Variants in GOPC observed in about 807,000 individuals in gnomAD.
GOPC encodes the protein golgi associated PDZ and coiled-coil motif containing, also known as Golgi-associated PDZ and coiled-coil motif-containing protein.
In GOPC, 32 loss-of-function variants were observed where a neutral mutation model predicts 51.2. That is an observed-to-expected ratio of 0.63 (90% confidence interval 0.47 to 0.84). The LOEUF (loss-of-function observed/expected upper bound fraction) is 0.84. Among genes scored for constraint, GOPC ranks in the 40% least tolerant of loss-of-function variants. GOPC has a pLI of 0.00. For synonymous variants in GOPC, 190 were observed against 205.1 expected (o/e 0.93, Z 0.63); for missense variants, 441 against 555.5 (o/e 0.79, Z 2.07).
intron 1 of GOPC, among the ~76,000 whole-genome samples, chr6:117,580,513 T>A (rs1779942223): frequency 6.6e-6 from 1 of 152,092 alleles, no homozygotes; most frequent in Non-Finnish European, 1.5e-5. Context: ...TGAAGCTGAA[T>A]ACAATGAATG....
chr6:117,591,107 C>A (rs907028520), intron 1 of GOPC, among the ~76,000 whole-genome samples: 2 of 152,194 alleles, frequency 1.3e-5, no homozygotes, highest in African/African-American at 4.8e-5. Context: ...CCACCTCAGT[C>A]TCCCAAAGTG....
At chr6:117,589,223 A>C (rs1448662825) in intron 1 of GOPC, among the ~76,000 whole-genome samples, 1 of 152,238 alleles carries the variant, frequency 6.6e-6, no homozygotes, top group African/African-American at 2.4e-5. Flanking sequence ...CATAGGAGGG[A>C]TACCCAAATG....
chr6:117,563,408 GCAGACA>G (rs766401472), intron 8 of GOPC, 24 bp from the exon 9 acceptor site: 35 of 1,609,620 alleles, frequency 2.2e-5, no homozygotes, highest in Non-Finnish European at 3.0e-5. Context: ...GAAAAAAAAA[GCAGACA>G]CTTTCTGGTT....
chr6:117,577,633 A>G (rs1030769466), intron 2 of GOPC, among the ~76,000 whole-genome samples, 162 bp from the exon 3 acceptor site: 1 of 152,084 alleles, frequency 6.6e-6, no homozygotes, highest in Non-Finnish European at 1.5e-5. Context: ...TAGTAACTGT[A>G]ATAGCATTAG....
Position 117,569,473 on chromosome 6 carries a change from C to T in GOPC, c.1077+99G>A, listed in dbSNP as rs533796484. 2.5e-4 allele frequency: 366 copies of T among 1,464,590 alleles called. 1 individual carries two copies. In the South Asian group the frequency reaches 4.6e-3, roughly 18 times the overall value. 90.7% of individuals were successfully genotyped at this position (1,464,590 alleles called of 1,614,324 possible). ...AAAGGAAACAAGAACTATGTGTAAA[C>T]ACTTTACTACTTTAGAAACTTCGTA... On this transcript the variant is annotated intron_variant, in intron 7 of 8. Coordinates refer to ENST00000368498, the MANE Select transcript of GOPC (RefSeq NM_020399.4).
At chr6:117,595,518 AATGTGT>A (rs1416496346) in intron 1 of GOPC, among the ~76,000 whole-genome samples, 3 of 152,162 alleles carry the variant, frequency 2.0e-5, no homozygotes, top group African/African-American at 7.2e-5. Flanking sequence ...CACTGTATCC[AATGTGT>A]CATCTTTTAT....
intron 7 of GOPC, among the ~76,000 whole-genome samples, chr6:117,568,886 T>C (rs1219346230): frequency 6.6e-6 from 1 of 152,218 alleles, no homozygotes; most frequent in African/African-American, 2.4e-5. Context: ...TGAGATGCAA[T>C]TCTACAGAGG....
rs941312327 is a variant in GOPC at position 117,562,338 on chromosome 6, A to G, written c.*916T>C. 4.5e-5 allele frequency: 9 copies of G among 200,240 alleles called. No individual in the cohort carries two copies. The highest frequency in any genetic ancestry group is 1.8e-4 in the African/African-American group (8 of 43,642). 12.4% of individuals were successfully genotyped at this position (200,240 alleles called of 1,614,324 possible). On this transcript the variant is annotated 3_prime_UTR_variant, in exon 9 of 9. Transcript: ENST00000368498. ...ATTTGAATGTACTGTGTTTCATGAC[A>G]TAGTAATAAATCTGAACTTTTACTA...
At chr6:117,575,148 G>A in intron 4 of GOPC, 29 bp downstream of exon 4, 5 of 1,519,656 alleles carry the variant, frequency 3.3e-6, no homozygotes, top group Middle Eastern at 3.5e-4. Context: ...TGTCACTTAA[G>A]AGTACAATAA....
chr6:117,595,976 A>G (rs1381750687), intron 1 of GOPC, among the ~76,000 whole-genome samples: 1 of 152,166 alleles, frequency 6.6e-6, no homozygotes. Context: ...GAATCTCCAC[A>G]CTGTTTTTCA....
chr6:117,575,155 A>G (rs778229662), intron 4 of GOPC, 22 bp downstream of exon 4: 2 of 1,568,252 alleles, frequency 1.3e-6, no homozygotes, highest in African/African-American at 1.4e-5. Flanking sequence ...TAAGAGTACA[A>G]TAATACCCAT....
Position 117,575,272 on chromosome 6 carries a change from C to A in GOPC, c.555G>T (p.Glu185Asp). 6.2e-7 allele frequency: 1 copy of A among 1,613,714 alleles called. No individual in the cohort carries two copies. Among genetic ancestry groups the A allele is most frequent in the Middle Eastern group, 1.6e-4 (1 of 6,062 alleles). Reference sequence around the variant, plus strand: ...CTATATGTCTACGAAGGGCTTCATTCTCTTTTCTCAACAATTTCACTTCAG... The same window carrying A: ...CTATATGTCTACGAAGGGCTTCATTATCTTTTCTCAACAATTTCACTTCAG... ...LEAEVKLLRK[E>D]NEALRRHIAV... Residue 185 changes from glutamate (E) to aspartate (D), a missense_variant, in exon 4 of 9, where the codon GAG becomes GAT. Physicochemically the swap from Glu to Asp is conservative, Grantham distance 45. Transcript: ENST00000368498.
At chr6:117,601,918 G>A in intron 1 of GOPC, 86 bp downstream of exon 1, 10 of 1,437,122 alleles carry the variant, frequency 7.0e-6, no homozygotes, top group Non-Finnish European at 9.5e-6. Context: ...GTTTTCTAGG[G>A]TCGTTTCACT....
Position 117,561,190 on chromosome 6 carries a change from G to A in GOPC, c.*2064C>T, listed in dbSNP as rs994155189. On this transcript the variant is annotated 3_prime_UTR_variant, in exon 9 of 9. Transcript: ENST00000368498. ...TCATTCTATTTATCAGTCCTTAAAA[G>A]GAATTTATATCATGACAATCTCACA... 1.8e-5 allele frequency: 4 copies of A among 222,886 alleles called. No individual in the cohort carries two copies. Among genetic ancestry groups the A allele is most frequent in the African/African-American group, 6.7e-5 (3 of 44,686 alleles). 13.8% of individuals were successfully genotyped at this position (222,886 alleles called of 1,614,324 possible). A position where few individuals can be genotyped will look rare whatever the true frequency, so the allele number is the denominator to read the frequency against.
intron 4 of GOPC, among the ~76,000 whole-genome samples, chr6:117,574,055 G>T (rs1002514182): frequency 6.6e-6 from 1 of 152,102 alleles, no homozygotes; most frequent in South Asian, 2.1e-4. Flanking sequence ...TTTAAATGTG[G>T]TTAAAAGTTA....
Position 117,562,159 on chromosome 6 carries a change from A to G in GOPC, c.*1095T>C. The G allele has an allele frequency of 9.7e-6, 2 of 207,240 alleles. No homozygotes were observed. The highest frequency in any genetic ancestry group is 2.0e-5 in the Non-Finnish European group (2 of 101,514). 12.8% of individuals were successfully genotyped at this position (207,240 alleles called of 1,614,324 possible). On this transcript the variant is annotated 3_prime_UTR_variant, in exon 9 of 9. Coordinates refer to ENST00000368498, the MANE Select transcript of GOPC (RefSeq NM_020399.4). ...AATCATGGGACAACAGACCTAACAA[A>G]TTTATAAACCTGCATATGAAGAGAG...
At position 117,563,384 on chromosome 6, in the gene GOPC, C is replaced by G; in HGVS notation, c.1259G>C (p.Gly420Ala). The G allele has an allele frequency of 6.2e-7, 1 of 1,612,062 alleles. No individual in the cohort carries two copies. Among genetic ancestry groups the G allele is most frequent in the Non-Finnish European group, 8.5e-7 (1 of 1,179,448 alleles). Residue 420 changes from glycine (G) to alanine (A), a missense_variant and splice_region_variant, in exon 9 of 9, where the codon GGA becomes GCA. Around this residue, in one of 3 missense-constraint regions of GOPC, gnomAD observed 71 missense variants for 68.8 expected, o/e 1.03. Coordinates refer to ENST00000368498, the MANE Select transcript of GOPC (RefSeq NM_020399.4). ...GTCAGTTACTGCCTTCTTATTAAAT[C>G]CTGAAAGAAAGGAGAAAAAAAAAGC... Reference protein sequence around the residue: ...DTSGEIKVLQGFNKKAVTDTH... With the variant: ...DTSGEIKVLQAFNKKAVTDTH...
chr6:117,569,743 A>G lies in GOPC; in HGVS notation c.913-7T>C, dbSNP rs1779769734. On this transcript the variant is annotated splice_region_variant and splice_polypyrimidine_tract_variant and intron_variant, in intron 6 of 8. Transcript: ENST00000368498. ...CACCATGTTCTTTCCCACCCTAACA[A>G]CAACAAAGGGCAGTAAATTAAAGTA... The G allele has an allele frequency of 6.3e-7, 1 of 1,576,198 alleles. No homozygotes were observed. The highest frequency in any genetic ancestry group is 1.4e-5 in the African/African-American group (1 of 72,890).
At chr6:117,568,795 T>C (rs1417411789) in intron 7 of GOPC, among the ~76,000 whole-genome samples, 1 of 152,206 alleles carries the variant, frequency 6.6e-6, no homozygotes, top group Non-Finnish European at 1.5e-5. Context: ...TTCCCTGTAA[T>C]GTAATTATTG....
Sources: gnomAD v4.1 joint callset for allele counts (sites outside exome capture counted in the v4.1 genomes callset) on GRCh38, gnomAD v4.1.1 for gene constraint, gnomAD v4.1.1 regional missense constraint, MANE v1.5 for transcripts, NCBI Gene and HGNC (gene_info 2026-07-23, HGNC 2026-07-21) for gene names.